The following SLC25A31 variants were observed in gnomAD, a reference collection of about 807,000 sequenced individuals.
The protein encoded by SLC25A31 is ADP/ATP translocase 4.
A neutral mutation model predicts 36.2 loss-of-function variants in SLC25A31; 40 were observed. The ratio of observed to expected loss-of-function variants is 1.10; its 90% confidence interval spans 0.86 to 1.44. SLC25A31 has a LOEUF of 1.44. Ranked by LOEUF, SLC25A31 falls within the 40% of genes most tolerant of loss-of-function variation. The pLI, the probability that SLC25A31 is intolerant of heterozygous loss-of-function variation, is 0.00. For missense variants in SLC25A31, 350 were observed against 397.1 expected (o/e 0.88, Z 1.01); for synonymous variants, 143 against 149.7 (o/e 0.96, Z 0.32).
rs1429455801 is a variant in SLC25A31 at position 127,744,738 on chromosome 4, A to G, written c.299A>G (p.Asn100Ser). 1 of 1,604,052 alleles carries G rather than the reference A, an allele frequency of 6.2e-7. No individual in the cohort carries two copies. The highest frequency in any genetic ancestry group is 8.5e-7 in the Non-Finnish European group (1 of 1,174,302). The change falls in exon 2 of 6, where the codon AAC becomes AGC. Residue 100 changes from asparagine (N) to serine (S), a missense_variant. Asn to Ser is a conservative substitution (Grantham distance 46). Coordinates refer to ENST00000281154, the MANE Select transcript of SLC25A31 (RefSeq NM_031291.4). ...VIRYFPTQAL[N>S]FAFKDKYKQL... is the part of the protein sequence containing the mutation. ...CGGTATTTTCCAACACAAGCTCTAA[A>G]CTTTGCTTTTAAGGACAAATACAAG...
At chr4:127,753,539 T>A (rs1439815670) in intron 2 of SLC25A31, among the ~76,000 whole-genome samples, 1 of 152,142 alleles carries the variant, frequency 6.6e-6, no homozygotes, top group Non-Finnish European at 1.5e-5. Flanking sequence ...TTATGCCATA[T>A]AAGTTATGAA....
chr4:127,745,545 A>G (rs1270255431), intron 2 of SLC25A31, among the ~76,000 whole-genome samples: 1 of 152,034 alleles, frequency 6.6e-6, no homozygotes, highest in Non-Finnish European at 1.5e-5. Context: ...GCCTCAGCCA[A>G]CCAAGCTGTC....
At chr4:127,768,911 G>C (rs1230273248) in intron 5 of SLC25A31, 34 bp downstream of exon 5, 2 of 1,537,342 alleles carry the variant, frequency 1.3e-6, no homozygotes, top group Admixed American at 4.3e-5. Context: ...GCTTAGTTGA[G>C]TTTTTAATAT....
At chr4:127,735,906 TTGA>T (rs1731622720) in intron 1 of SLC25A31, among the ~76,000 whole-genome samples, 1 of 138,564 alleles carries the variant, frequency 7.2e-6, no homozygotes, top group African/African-American at 2.6e-5. Context: ...ATTTTTTTTT[TTGA>T]GACGGAGTCT....
chr4:127,760,099 C>T (rs1173866623), intron 2 of SLC25A31, among the ~76,000 whole-genome samples: 1 of 152,182 alleles, frequency 6.6e-6, no homozygotes, highest in Non-Finnish European at 1.5e-5. Context: ...AAACACACAA[C>T]TGAGTCATGT....
chr4:127,735,056 A>AC (rs1731598293), intron 1 of SLC25A31, among the ~76,000 whole-genome samples: 3 of 152,204 alleles, frequency 2.0e-5, no homozygotes, highest in African/African-American at 7.2e-5. Flanking sequence ...AAAACTTTGA[A>AC]AAAGATTCTG....
At position 127,744,724 on chromosome 4, in the gene SLC25A31, A is replaced by G; in HGVS notation, c.285A>G (p.Pro95=). The G allele has an allele frequency of 6.2e-7, 1 of 1,605,292 alleles. No homozygotes were observed. The highest frequency in any genetic ancestry group is 8.5e-7 in the Non-Finnish European group (1 of 1,175,066). The change falls in exon 2 of 6, where the codon CCA becomes CCG. Residue 95 remains proline, a synonymous_variant. Coordinates refer to ENST00000281154, the MANE Select transcript of SLC25A31 (RefSeq NM_031291.4). ...GNLANVIRYF[P]TQALNFAFKD... The stretch of plus-strand genomic sequence containing the variant: ...TGGCAAATGTTATTCGGTATTTTCC[A>G]ACACAAGCTCTAAACTTTGCTTTTA...
rs1176984035 is a variant in SLC25A31 at position 127,773,602 on chromosome 4, G to T, written c.*28G>T. 6.7e-7 allele frequency: 1 copy of T among 1,494,548 alleles called. No homozygotes were observed. The highest frequency in any genetic ancestry group is 2.2e-4 in the Middle Eastern group (1 of 4,648). The allele number at this position is 1,494,548 out of a possible 1,614,324, so 92.6% of individuals were successfully genotyped here. On this transcript the variant is annotated 3_prime_UTR_variant, in exon 6 of 6. Transcript: ENST00000281154. ...GGGAGAGTAAATTAAGAAATACATG[G>T]ATTTAACTTGTTAAACATACAAATT...
chr4:127,764,426 C>T (rs1479370333), intron 3 of SLC25A31, 66 bp downstream of exon 3: 3 of 1,339,006 alleles, frequency 2.2e-6, no homozygotes, highest in East Asian at 2.3e-5. Context: ...TATTTATTGG[C>T]ATTAATTGTG....
chr4:127,758,325 TG>T (rs1732068039), intron 2 of SLC25A31, among the ~76,000 whole-genome samples: 1 of 152,238 alleles, frequency 6.6e-6, no homozygotes, highest in African/African-American at 2.4e-5. Flanking sequence ...CATTTTTTAA[TG>T]GGGTTATTTG....
At chr4:127,744,835 A>G (rs1351872967) in intron 2 of SLC25A31, 36 bp downstream of exon 2, 5 of 1,335,512 alleles carry the variant, frequency 3.7e-6, no homozygotes, top group Admixed American at 2.6e-5. Context: ...TTCTTCCAAT[A>G]TAGAAATTTT....
At chr4:127,738,702 G>A (rs916290936) in intron 1 of SLC25A31, among the ~76,000 whole-genome samples, 3 of 152,124 alleles carry the variant, frequency 2.0e-5, no homozygotes, top group African/African-American at 7.2e-5. Flanking sequence ...TGTTGGTGGG[G>A]TGTTGAAGTC....
chr4:127,748,172 A>G (rs1251494798), intron 2 of SLC25A31, among the ~76,000 whole-genome samples: 2 of 152,208 alleles, frequency 1.3e-5, no homozygotes, highest in East Asian at 1.9e-4. Flanking sequence ...TCAGGCATAG[A>G]CAAACAGGTG....
intron 5 of SLC25A31, among the ~76,000 whole-genome samples, chr4:127,772,269 C>T (rs1045687801): frequency 1.3e-5 from 2 of 152,060 alleles, no homozygotes; most frequent in African/African-American, 4.8e-5. Context: ...AGTATTATTC[C>T]AGTTCTTTTC....
chr4:127,731,993 T>A (rs1731536268), intron 1 of SLC25A31, among the ~76,000 whole-genome samples: 1 of 152,214 alleles, frequency 6.6e-6, no homozygotes, highest in Non-Finnish European at 1.5e-5. Flanking sequence ...TTTTTTCTAT[T>A]AATATTGGAA....
At chr4:127,738,294 T>C (rs981137601) in intron 1 of SLC25A31, among the ~76,000 whole-genome samples, 1 of 152,198 alleles carries the variant, frequency 6.6e-6, no homozygotes, top group Non-Finnish European at 1.5e-5. Context: ...TTCCACCATG[T>C]TGCCCAGGCT....
intron 2 of SLC25A31, among the ~76,000 whole-genome samples, chr4:127,763,785 G>A (rs1218178359): frequency 1.3e-5 from 2 of 152,124 alleles, no homozygotes; most frequent in Non-Finnish European, 2.9e-5. Flanking sequence ...GGTGCAAAAA[G>A]TAATTGCAGT....
At chr4:127,761,747 G>A (rs1409491774) in intron 2 of SLC25A31, among the ~76,000 whole-genome samples, 2 of 152,172 alleles carry the variant, frequency 1.3e-5, no homozygotes. Flanking sequence ...GTTCATACAT[G>A]TGTAATTTTT....
At chr4:127,733,670 G>A (rs1422857852) in intron 1 of SLC25A31, among the ~76,000 whole-genome samples, 4 of 152,024 alleles carry the variant, frequency 2.6e-5, no homozygotes, top group Non-Finnish European at 5.9e-5. Context: ...TAAATTTCTT[G>A]CAATTTGCCT....
Sources: allele counts gnomAD v4.1 joint callset (sites outside exome capture counted in the v4.1 genomes callset), GRCh38; gene constraint gnomAD v4.1.1; transcripts MANE v1.5; gene names NCBI Gene and HGNC (gene_info 2026-07-23, HGNC 2026-07-21).